The following BPI variants were observed in gnomAD, a reference collection of about 807,000 sequenced individuals.
BPI encodes bactericidal permeability increasing protein.
A neutral mutation model predicts 57.6 loss-of-function variants in BPI; 48 were observed. The observed-to-expected ratio is 0.83, with a 90% CI of 0.66 to 1.06. The LOEUF is 1.06. BPI is among the 50% of genes least tolerant of loss of function. The pLI, the probability that BPI is intolerant of heterozygous loss-of-function variation, is 0.00. For synonymous variants in BPI, 237 were observed against 238.2 expected, an observed-to-expected ratio of 0.99 and a Z score of 0.05; for missense variants, 651 against 609.7, an observed-to-expected ratio of 1.07 and a Z score of -0.71.
intron 12 of BPI, among the ~76,000 whole-genome samples, chr20:38,332,538 G>C (rs1265045433): frequency 6.6e-6 from 1 of 152,182 alleles, no homozygotes; most frequent in African/African-American, 2.4e-5. Flanking sequence ...GCACAGTGGG[G>C]TATAACATGT....
chr20:38,335,478 C>A, intron 13 of BPI, 120 bp from the exon 14 acceptor site: 1 of 881,798 alleles, frequency 1.1e-6, no homozygotes, highest in Non-Finnish European at 1.9e-6. Flanking sequence ...CATGCCAGTC[C>A]CTACCTAGGG....
At position 38,308,834 on chromosome 20, in the gene BPI, G is replaced by C. The variant is rs1402667336; in HGVS notation, c.246-96G>C. ...GAATGGATGGAGTGAAGGACCAGGT[G>C]GTGGGGGACGAGTCTGCATTAACCA... On this transcript the variant is annotated intron_variant, in intron 2 of 14. Coordinates refer to ENST00000642449, the MANE Select transcript of BPI (RefSeq NM_001725.3). 6 of 1,485,508 alleles carry C rather than the reference G, an allele frequency of 4.0e-6. No homozygotes were observed. In the South Asian group the frequency reaches 7.5e-5, roughly 18 times the overall value. 92.0% of individuals were successfully genotyped at this position (1,485,508 alleles called of 1,614,324 possible).
At chr20:38,321,316 G>T (rs1419602664) in intron 7 of BPI, among the ~76,000 whole-genome samples, 1 of 151,834 alleles carries the variant, frequency 6.6e-6, no homozygotes, top group Admixed American at 6.6e-5. Flanking sequence ...GATAGATGGA[G>T]TTTTATTTCA....
chr20:38,318,324 G>T (rs919250149), intron 5 of BPI, 89 bp from the exon 6 acceptor site: 10 of 1,390,912 alleles, frequency 7.2e-6, no homozygotes, highest in Middle Eastern at 1.8e-4. Context: ...AAACATTCAA[G>T]GAAAGCAAGG....
chr20:38,335,931 C>A (rs1206639073), intron 14 of BPI, among the ~76,000 whole-genome samples: 2 of 152,164 alleles, frequency 1.3e-5, no homozygotes, highest in East Asian at 3.9e-4. Context: ...CTACACTCGG[C>A]AAAAATGAAA....
intron 12 of BPI, 120 bp from the exon 13 acceptor site, chr20:38,334,310 C>T (rs147059127): frequency 3.5e-5 from 33 of 935,754 alleles, no homozygotes; most frequent in African/African-American, 2.3e-4. Flanking sequence ...TTCCCAACTG[C>T]GCGGTTGCTG....
At chr20:38,331,867 G>A (rs986493975) in intron 12 of BPI, among the ~76,000 whole-genome samples, 4 of 150,540 alleles carry the variant, frequency 2.7e-5, no homozygotes, top group African/African-American at 7.3e-5. Context: ...AAAAGAGAGA[G>A]AAGATCGTTT....
At chr20:38,316,460 C>A (rs2076652512) in intron 5 of BPI, among the ~76,000 whole-genome samples, 1 of 152,234 alleles carries the variant, frequency 6.6e-6, no homozygotes, top group South Asian at 2.1e-4. Flanking sequence ...GAAGCCTGGG[C>A]TGCAAAGTAA....
At chr20:38,330,939 T>G (rs1600713378) in intron 11 of BPI, 109 bp from the exon 12 acceptor site, 300 of 1,296,448 alleles carry the variant, frequency 2.3e-4, no homozygotes, top group African/African-American at 1.5e-5. Context: ...GGATACTGGG[T>G]GGGAAAACCA....
At position 38,337,220 on chromosome 20, in the gene BPI, T is replaced by C. The variant is rs2076771950; in HGVS notation, c.*36T>C. 17 of 1,550,928 alleles carry C rather than the reference T, an allele frequency of 1.1e-5. No individual in the cohort carries two copies. Among genetic ancestry groups the C allele is most frequent in the East Asian group, 2.4e-5 (1 of 41,602 alleles). On this transcript the variant is annotated 3_prime_UTR_variant, in exon 15 of 15. Coordinates refer to ENST00000642449, the MANE Select transcript of BPI (RefSeq NM_001725.3). ...GGTGCCGGGGGCTGTCAGCCACACCTGTTCCTGATGGGCTGTGGGGCACCG... is the reference window on the plus strand; with the variant it reads ...GGTGCCGGGGGCTGTCAGCCACACCCGTTCCTGATGGGCTGTGGGGCACCG...
chr20:38,309,060 T>C lies in BPI; in HGVS notation c.374+2T>C, dbSNP rs773230970. 2 of 1,614,122 alleles carry C rather than the reference T, an allele frequency of 1.2e-6. No individual in the cohort carries two copies. The highest frequency in any genetic ancestry group is 1.7e-6 in the Non-Finnish European group (2 of 1,179,976). On this transcript the variant is annotated splice_donor_variant, in intron 3 of 14. Transcript: ENST00000642449. LOFTEE classifies it high-confidence loss of function. ...ATGGAAGGCACAAAAGAGATTCTTG[T>C]GCGTTTCCATGCTTGCGGTTTGTTG...
intron 5 of BPI, among the ~76,000 whole-genome samples, chr20:38,313,146 A>T (rs556009694): frequency 1.3e-3 from 200 of 152,316 alleles, no homozygotes; most frequent in Middle Eastern, 3.4e-3. Context: ...GCACTTTGGG[A>T]GGCCAAGGCA....
chr20:38,322,407 G>T (rs1420516526), intron 7 of BPI, among the ~76,000 whole-genome samples: 1 of 152,182 alleles, frequency 6.6e-6, no homozygotes, highest in East Asian at 1.9e-4. Context: ...TATCTCCTGG[G>T]CTCCTGCCCA....
intron 7 of BPI, among the ~76,000 whole-genome samples, chr20:38,323,149 T>C (rs987503480): frequency 4.6e-5 from 7 of 152,128 alleles, no homozygotes; most frequent in African/African-American, 1.7e-4. Flanking sequence ...CCCAGAACCA[T>C]GTTGATGATG....
At position 38,331,151 on chromosome 20, in the gene BPI, A is replaced by T. The variant is rs999645112; in HGVS notation, c.1272+61A>T. On this transcript the variant is annotated intron_variant, in intron 12 of 14. Transcript: ENST00000642449. Reference sequence around the variant, plus strand: ...CTGACCTGGCGGCGGGGAGGGGGACATGTCATAGGCTCAAGGCATTATTTA... The same window carrying T: ...CTGACCTGGCGGCGGGGAGGGGGACTTGTCATAGGCTCAAGGCATTATTTA... 47 of 1,555,458 alleles carry T rather than the reference A, an allele frequency of 3.0e-5. 1 individual carries two copies. The South Asian group carries it at 4.8e-4, about 16-fold the overall frequency.
chr20:38,328,019 C>T (rs931827455), intron 11 of BPI, among the ~76,000 whole-genome samples: 21 of 152,170 alleles, frequency 1.4e-4, no homozygotes, highest in African/African-American at 3.4e-4. Context: ...AGCCACTGCA[C>T]GTCCCTGGCT....
At chr20:38,318,586 G>A (rs1002367572) in intron 6 of BPI, 110 bp downstream of exon 6, 1 of 1,177,210 alleles carries the variant, frequency 8.5e-7, no homozygotes, top group Non-Finnish European at 1.3e-6. Flanking sequence ...CCCTGGGCCT[G>A]GGTGGGAATG....
At chr20:38,332,739 G>A (rs2076748562) in intron 12 of BPI, among the ~76,000 whole-genome samples, 1 of 152,126 alleles carries the variant, frequency 6.6e-6, no homozygotes, top group Non-Finnish European at 1.5e-5. Context: ...TCAAGTAGGT[G>A]GTTCGCCTGC....
chr20:38,310,794 G>C, intron 4 of BPI, 142 bp downstream of exon 4: 1 of 1,046,238 alleles, frequency 9.6e-7, no homozygotes, highest in Non-Finnish European at 1.4e-6. Context: ...ATGGGGGCCA[G>C]GGGCCCACAG....
Sources: gnomAD v4.1 joint callset for allele counts (sites outside exome capture counted in the v4.1 genomes callset) on GRCh38, gnomAD v4.1.1 for gene constraint, MANE v1.5 for transcripts, NCBI Gene and HGNC (gene_info 2026-07-23, HGNC 2026-07-21) for gene names.